GPHN: variants seen among roughly 807,000 people sequenced by gnomAD.
The protein encoded by GPHN is gephyrin.
GPHN carries 17 observed loss-of-function variants against 95.5 expected under a neutral mutation model. The observed-to-expected ratio is 0.18, with a 90% confidence interval of 0.12 to 0.27. The LOEUF (loss-of-function observed/expected upper bound fraction) is 0.27, where lower values mean the gene tolerates loss of function less well. Ranked by LOEUF, GPHN falls within the 10% of genes least tolerant of loss-of-function variation. GPHN has a pLI of 1.00. For missense variants in GPHN, 660 were observed against 978.1 expected, an observed-to-expected ratio of 0.67 and a Z score of 4.34; for synonymous variants, 320 against 322.5, an observed-to-expected ratio of 0.99 and a Z score of 0.08.
chr14:67,623,007 TTAAACTCCAACC>T, the GPHN span, among the ~76,000 whole-genome samples: 11 of 152,202 alleles, frequency 7.2e-5, no homozygotes, highest in Non-Finnish European at 1.6e-4. Context: ...TACTCCCTCT[TTAAACTCCAACC>T]TAAAGTGATG....
intron 1 of GPHN, among the ~76,000 whole-genome samples, chr14:66,562,089 A>G (rs941886227): frequency 1.3e-5 from 2 of 152,152 alleles, no homozygotes; most frequent in African/African-American, 4.8e-5. Context: ...ATAATCCAAG[A>G]TAATCTCCAC....
chr14:66,924,436 C>T, intron 8 of GPHN, 144 bp downstream of exon 8: 2 of 689,602 alleles, frequency 2.9e-6, no homozygotes, highest in Non-Finnish European at 5.3e-6. Flanking sequence ...GTGTGAGTGC[C>T]ATTGAGTATA....
At chr14:66,848,519 C>G (rs1489652009) in intron 4 of GPHN, among the ~76,000 whole-genome samples, 1 of 152,050 alleles carries the variant, frequency 6.6e-6, no homozygotes, top group African/African-American at 2.4e-5. Flanking sequence ...CTTTTACCAA[C>G]AAGAAAACTG....
At chr14:67,732,126 CAAAAAAAAAAA>C in the GPHN span, among the ~76,000 whole-genome samples, 15,781 of 77,782 alleles carry the variant, frequency 0.2, 943 homozygotes, top group Middle Eastern at 0.38. Context: ...GACTCTGTCT[CAAAAAAAAAAA>C]AAAAAAAAAA....
chr14:66,755,758 T>C (rs1316110365), intron 2 of GPHN, among the ~76,000 whole-genome samples: 1 of 152,186 alleles, frequency 6.6e-6, no homozygotes, highest in Non-Finnish European at 1.5e-5. Context: ...TTCTTTCATA[T>C]ATTTCAAGCG....
intron 17 of GPHN, among the ~76,000 whole-genome samples, chr14:67,127,045 A>G (rs1403830752): frequency 6.9e-6 from 1 of 145,142 alleles, no homozygotes; most frequent in African/African-American, 2.6e-5. Context: ...GAATTGAACA[A>G]TGAGATCACA....
At chr14:67,390,804 G>T in the GPHN span, 1 of 1,186,514 alleles carries the variant, frequency 8.4e-7, no homozygotes, top group Non-Finnish European at 1.3e-6. Flanking sequence ...CCTCTCTCCT[G>T]TATCTATGCA....
At chr14:67,600,048 G>A in the GPHN span, 2 of 1,577,380 alleles carry the variant, frequency 1.3e-6, no homozygotes, top group African/African-American at 1.4e-5. Flanking sequence ...AGAGTCCGTA[G>A]GCCGCCAGCC....
the GPHN span, among the ~76,000 whole-genome samples, chr14:67,282,624 T>G: frequency 2.0e-5 from 3 of 152,262 alleles, no homozygotes; most frequent in Non-Finnish European, 2.9e-5. Context: ...AGTTAGAATT[T>G]TTTTGAAAGA....
At chr14:67,292,376 A>C in the GPHN span, 1 of 597,088 alleles carries the variant, frequency 1.7e-6, no homozygotes, top group Non-Finnish European at 3.0e-6. Flanking sequence ...ACCATGATTG[A>C]CAATAATATA....
intron 19 of GPHN, among the ~76,000 whole-genome samples, chr14:67,159,930 A>G (rs1372695821): frequency 6.6e-6 from 1 of 152,148 alleles, no homozygotes; most frequent in Non-Finnish European, 1.5e-5. Context: ...TCATTTTGGT[A>G]TACATCTGAA....
At chr14:67,224,704 A>G in the GPHN span, 1 of 302,874 alleles carries the variant, frequency 3.3e-6, no homozygotes, top group Non-Finnish European at 6.5e-6. Flanking sequence ...AAAGAGACAA[A>G]GGATAGAGAT....
At chr14:66,620,382 G>T (rs1000595812) in intron 1 of GPHN, among the ~76,000 whole-genome samples, 1 of 152,138 alleles carries the variant, frequency 6.6e-6, no homozygotes, top group Admixed American at 6.5e-5. Flanking sequence ...CTTACAGTTT[G>T]ATATGGCTGG....
chr14:66,703,091 G>C (rs973552448), intron 2 of GPHN, among the ~76,000 whole-genome samples: 1 of 152,070 alleles, frequency 6.6e-6, no homozygotes, highest in African/African-American at 2.4e-5. Context: ...CAAGAGTAGA[G>C]ATAAAAGAAT....
intron 10 of GPHN, among the ~76,000 whole-genome samples, chr14:67,051,386 TAAGAC>T (rs1293235706): frequency 6.6e-6 from 1 of 152,028 alleles, no homozygotes; most frequent in Non-Finnish European, 1.5e-5. Context: ...CTTGCTGAAA[TAAGAC>T]AGGCAGACAA....
chr14:66,602,413 A>T (rs1173133455), intron 1 of GPHN, among the ~76,000 whole-genome samples: 1 of 151,964 alleles, frequency 6.6e-6, no homozygotes, highest in African/African-American at 2.4e-5. Flanking sequence ...ATTTCCCAGC[A>T]TAACTTTCTC....
intron 2 of GPHN, among the ~76,000 whole-genome samples, chr14:66,743,720 C>A (rs1032752537): frequency 6.6e-6 from 1 of 152,090 alleles, no homozygotes; most frequent in South Asian, 2.1e-4. Context: ...CCAGCCTGGA[C>A]GACAGAGCGA....
intron 14 of GPHN, among the ~76,000 whole-genome samples, chr14:67,111,414 T>G (rs1309019909): frequency 6.6e-6 from 1 of 152,166 alleles, no homozygotes; most frequent in African/African-American, 2.4e-5. Context: ...TATAAGTCCT[T>G]TACTGAAATT....
rs1456713567 is a variant in GPHN, at chr14:66,627,416, G to A, written c.65-53691G>A. 2.0e-5 allele frequency among the ~76,000 whole-genome samples: 3 copies of A among 151,838 alleles called. No homozygotes were observed. The East Asian group carries it at 5.8e-4, about 29-fold the overall frequency. On this transcript the variant is annotated intron_variant, in intron 1 of 22. Transcript: ENST00000478722. ...TCAGATACATTCGTTGATGGATCTA[G>A]TTCTTTATTTCAACTGTTGAAGAGT...
Sources: gnomAD v4.1 joint callset for allele counts (sites outside exome capture counted in the v4.1 genomes callset) on GRCh38, gnomAD v4.1.1 for gene constraint, MANE v1.5 for transcripts, NCBI Gene and HGNC (gene_info 2026-07-23, HGNC 2026-07-21) for gene names.